The following LRRTM4 variants were observed in gnomAD, a reference collection of about 807,000 sequenced individuals.
The protein encoded by LRRTM4 is leucine rich repeat transmembrane neuronal 4, also known as leucine-rich repeat transmembrane neuronal protein 4.
LRRTM4 carries 25 observed loss-of-function variants against 47.6 expected under a neutral mutation model. The observed-to-expected ratio is 0.53, with a 90% confidence interval of 0.38 to 0.73. LRRTM4 has a LOEUF of 0.73. Among genes scored for constraint, LRRTM4 ranks in the 30% least tolerant of loss-of-function variants. The pLI is 0.00. For synonymous variants in LRRTM4, 311 were observed against 269.5 expected, an observed-to-expected ratio of 1.15 and a Z score of -1.51; for missense variants, 638 against 713.4, an observed-to-expected ratio of 0.89 and a Z score of 1.20.
intron 3 of LRRTM4, among the ~76,000 whole-genome samples, chr2:77,183,479 G>T (rs901189325): frequency 8.5e-5 from 13 of 152,110 alleles, no homozygotes; most frequent in African/African-American, 2.9e-4. Context: ...TTACACTGTT[G>T]GTGGGACTGT....
intron 3 of LRRTM4, among the ~76,000 whole-genome samples, chr2:77,290,086 CAT>C (rs1676778535): frequency 6.6e-6 from 1 of 151,712 alleles, no homozygotes; most frequent in South Asian, 2.1e-4. Flanking sequence ...ATCAATGAAA[CAT>C]ATAAAATTGA....
chr2:76,939,231 C>G (rs181523586), intron 3 of LRRTM4, among the ~76,000 whole-genome samples: 1 of 152,200 alleles, frequency 6.6e-6, no homozygotes, highest in East Asian at 1.9e-4. Flanking sequence ...AGTGGCTTAA[C>G]ACAACAGAAT....
At chr2:77,520,473 A>G (rs978964764) in intron 2 of LRRTM4, among the ~76,000 whole-genome samples, 4 of 152,078 alleles carry the variant, frequency 2.6e-5, no homozygotes, top group Admixed American at 2.6e-4. Context: ...GATGAAGACT[A>G]ATAACGGTAC....
intron 3 of LRRTM4, among the ~76,000 whole-genome samples, chr2:77,029,324 G>C (rs1048892507): frequency 6.6e-6 from 1 of 151,992 alleles, no homozygotes; most frequent in African/African-American, 2.4e-5. Flanking sequence ...AAGGGAGCCA[G>C]TCCGAGTCCC....
chr2:77,274,664 C>G (rs1676294078), intron 3 of LRRTM4, among the ~76,000 whole-genome samples: 2 of 152,066 alleles, frequency 1.3e-5, no homozygotes, highest in Admixed American at 6.6e-5. Context: ...AAGTATTGGT[C>G]TCAGAGATTT....
intron 3 of LRRTM4, among the ~76,000 whole-genome samples, chr2:76,995,343 T>C (rs1677162943): frequency 6.6e-6 from 1 of 152,092 alleles, no homozygotes. Context: ...TTGTGAATTC[T>C]GGTCAAGATA....
chr2:76,794,119 T>TGATTTTATGGAATGATTG (rs1359829436), intron 3 of LRRTM4, among the ~76,000 whole-genome samples: 3 of 152,274 alleles, frequency 2.0e-5, no homozygotes, highest in Admixed American at 2.0e-4. Flanking sequence ...AGCGAAGATT[T>TGATTTTATGGAATGATTG]GATTTTATGG....
intron 3 of LRRTM4, among the ~76,000 whole-genome samples, chr2:76,884,801 C>T (rs751560219): frequency 9.9e-5 from 15 of 151,960 alleles, no homozygotes; most frequent in African/African-American, 1.9e-4. Flanking sequence ...AAAAAGTAAA[C>T]AGTGGATAAA....
intron 3 of LRRTM4, among the ~76,000 whole-genome samples, chr2:77,293,555 C>T (rs1676889499): frequency 6.6e-6 from 1 of 152,080 alleles, no homozygotes; most frequent in African/African-American, 2.4e-5. Flanking sequence ...AAGCTAAAGT[C>T]TAAGCTCATA....
intron 3 of LRRTM4, among the ~76,000 whole-genome samples, chr2:76,983,285 C>T (rs1446429901): frequency 6.6e-6 from 1 of 152,004 alleles, no homozygotes; most frequent in African/African-American, 2.4e-5. Flanking sequence ...CTAAGTCACA[C>T]ATTATTAAAC....
intron 3 of LRRTM4, among the ~76,000 whole-genome samples, chr2:76,982,404 C>T (rs1280624810): frequency 6.6e-6 from 1 of 151,998 alleles, no homozygotes; most frequent in Non-Finnish European, 1.5e-5. Flanking sequence ...CAGGCTCTTT[C>T]TTTGCTCATG....
At chr2:77,371,082 G>A (rs1318860730) in intron 3 of LRRTM4, among the ~76,000 whole-genome samples, 2 of 151,524 alleles carry the variant, frequency 1.3e-5, no homozygotes, top group Non-Finnish European at 1.5e-5. Context: ...CCTCTATAAG[G>A]GAATGTTATT....
intron 3 of LRRTM4, among the ~76,000 whole-genome samples, chr2:76,860,500 C>G (rs1672281760): frequency 6.6e-6 from 1 of 151,982 alleles, no homozygotes; most frequent in African/African-American, 2.4e-5. Flanking sequence ...ATATTCCACC[C>G]CTTGTGCCAT....
chr2:77,374,891 T>C (rs1429769913), intron 3 of LRRTM4, among the ~76,000 whole-genome samples: 2 of 151,734 alleles, frequency 1.3e-5, no homozygotes, highest in African/African-American at 2.4e-5. Context: ...AATTTTTTTT[T>C]CTCTGTGAAT....
intron 3 of LRRTM4, among the ~76,000 whole-genome samples, chr2:77,238,971 A>G (rs962610272): frequency 1.1e-4 from 16 of 152,108 alleles, no homozygotes; most frequent in African/African-American, 3.6e-4. Context: ...AATGTACCTC[A>G]TAAGTATATA....
At chr2:76,962,242 G>A (rs544656387) in intron 3 of LRRTM4, among the ~76,000 whole-genome samples, 1 of 151,284 alleles carries the variant, frequency 6.6e-6, no homozygotes, top group South Asian at 2.1e-4. Flanking sequence ...TGAGAAGACA[G>A]TTTTGTACAA....
intron 3 of LRRTM4, among the ~76,000 whole-genome samples, chr2:76,878,212 A>G (rs1277829173): frequency 1.3e-5 from 2 of 152,140 alleles, no homozygotes; most frequent in Non-Finnish European, 2.9e-5. Context: ...CACTCATATA[A>G]AACATGGCAA....
chr2:76,923,061 G>A (rs2103812942), intron 3 of LRRTM4, among the ~76,000 whole-genome samples: 1 of 152,166 alleles, frequency 6.6e-6, no homozygotes, highest in African/African-American at 2.4e-5. Flanking sequence ...AATCACAAAA[G>A]TACTAAGTAT....
chr2:76,869,085 C>CG (rs1672549402), intron 3 of LRRTM4, among the ~76,000 whole-genome samples: 1 of 151,982 alleles, frequency 6.6e-6, no homozygotes, highest in Non-Finnish European at 1.5e-5. Flanking sequence ...CCGAGGTGAG[C>CG]AGATCACGAG....
Sources: allele counts gnomAD v4.1 joint callset (sites outside exome capture counted in the v4.1 genomes callset), GRCh38; gene constraint gnomAD v4.1.1; transcripts MANE v1.5; gene names NCBI Gene and HGNC (gene_info 2026-07-23, HGNC 2026-07-21).